EHBP1: variants seen among roughly 807,000 people sequenced by gnomAD.
EHBP1 encodes EH domain-binding protein 1.
EHBP1 carries 55 observed loss-of-function variants against 144.0 expected under a neutral mutation model. The ratio of observed to expected loss-of-function variants is 0.38; its 90% CI spans 0.31 to 0.48. EHBP1 has a LOEUF of 0.48. Ranked by LOEUF, EHBP1 falls within the 20% of genes least tolerant of loss-of-function variation. The pLI, the probability that EHBP1 is intolerant of heterozygous loss-of-function variation, is 0.98. For missense variants in EHBP1, 1,200 were observed against 1,364.2 expected (o/e 0.88, Z 1.90); for synonymous variants, 469 against 472.7 (o/e 0.99, Z 0.10).
intron 1 of EHBP1, chr2:62,674,221 C>T (rs2033204268): frequency 1.4e-5 from 6 of 439,844 alleles, no homozygotes; most frequent in South Asian, 1.0e-4. Flanking sequence ...TGTGTAAAAG[C>T]TACTTAATAA....
At position 62,942,251 on chromosome 2, in the gene EHBP1, T is replaced by A. The variant is rs2056799499; in HGVS notation, c.1186-467T>A. 3.3e-5 allele frequency among the ~76,000 whole-genome samples: 5 copies of A among 152,340 alleles called. No homozygotes were observed. The South Asian group carries it at 1.0e-3, about 32-fold the overall frequency. On this transcript the variant is annotated intron_variant, in intron 10 of 22. Coordinates refer to ENST00000431489, the MANE Select transcript of EHBP1 (RefSeq NM_001142616.3). The stretch of plus-strand genomic sequence containing the variant: ...TTACTTAAAATGCATATATGATTAC[T>A]GTATTTTTAAAACTAATGATAATTT...
At chr2:62,857,010 G>A (rs2049114807) in intron 7 of EHBP1, among the ~76,000 whole-genome samples, 3 of 152,154 alleles carry the variant, frequency 2.0e-5, no homozygotes, top group Non-Finnish European at 4.4e-5. Context: ...GAGGAAGGGG[G>A]TCACAAGTTA....
chr2:62,874,689 G>A (rs2050743879), intron 10 of EHBP1, among the ~76,000 whole-genome samples, 157 bp downstream of exon 10: 1 of 152,150 alleles, frequency 6.6e-6, no homozygotes, highest in Non-Finnish European at 1.5e-5. Flanking sequence ...ATTTATGTTT[G>A]TGAGCCCATA....
chr2:63,038,611 T>C (rs779225564), intron 20 of EHBP1, 132 bp from the exon 21 acceptor site: 52 of 687,792 alleles, frequency 7.6e-5, no homozygotes, highest in Non-Finnish European at 1.2e-4. Flanking sequence ...TTGTGTATCA[T>C]TCATTTGGAG....
At chr2:62,849,070 T>C (rs2048496637) in intron 7 of EHBP1, among the ~76,000 whole-genome samples, 1 of 152,170 alleles carries the variant, frequency 6.6e-6, no homozygotes, top group East Asian at 1.9e-4. Flanking sequence ...CATGCTCTTT[T>C]ATAATCTCCT....
intron 7 of EHBP1, 90 bp from the exon 8 acceptor site, chr2:62,859,079 G>C (rs773087463): frequency 3.2e-6 from 4 of 1,243,246 alleles, no homozygotes; most frequent in Non-Finnish European, 3.3e-6. Flanking sequence ...GGTATTATTC[G>C]TGTGAACTTT....
chr2:62,989,948 A>T (rs1285536438), intron 15 of EHBP1, among the ~76,000 whole-genome samples: 2 of 152,196 alleles, frequency 1.3e-5, no homozygotes, highest in Non-Finnish European at 2.9e-5. Context: ...GCATTTATTA[A>T]GAGTCTTATA....
At chr2:62,952,768 C>A (rs909219602) in intron 13 of EHBP1, among the ~76,000 whole-genome samples, 1 of 152,164 alleles carries the variant, frequency 6.6e-6, no homozygotes, top group Non-Finnish European at 1.5e-5. Context: ...CTTATAACAT[C>A]TTTATTTACC....
chr2:62,722,789 A>G (rs761793109), intron 2 of EHBP1, among the ~76,000 whole-genome samples: 13 of 152,206 alleles, frequency 8.5e-5, no homozygotes, highest in South Asian at 4.1e-4. Flanking sequence ...GGTTATTAAT[A>G]CTTTGCAGTA....
chr2:62,760,985 A>T (rs2040725493), intron 3 of EHBP1, among the ~76,000 whole-genome samples: 1 of 152,166 alleles, frequency 6.6e-6, no homozygotes. Flanking sequence ...TCTTTTTCTA[A>T]CATTTTTATT....
chr2:62,818,991 C>T (rs1268545875), intron 5 of EHBP1, among the ~76,000 whole-genome samples: 1 of 152,102 alleles, frequency 6.6e-6, no homozygotes, highest in African/African-American at 2.4e-5. Flanking sequence ...TTAAGTCTTT[C>T]AGAGAATGGG....
At chr2:62,782,400 TA>T (rs1174486501) in intron 5 of EHBP1, among the ~76,000 whole-genome samples, 1 of 152,238 alleles carries the variant, frequency 6.6e-6, no homozygotes, top group African/African-American at 2.4e-5. Context: ...TGACAGTTTC[TA>T]TCTTTCTGTA....
rs576008968 is a variant in EHBP1 at position 62,912,377 on chromosome 2, C to T, written c.1186-30341C>T. The stretch of plus-strand genomic sequence containing the variant: ...GACCAGCATGACCAACATGGTAAAA[C>T]CCCCTCTCTACTAAAAATACAAAAA... On this transcript the variant is annotated intron_variant, in intron 10 of 22. Coordinates refer to ENST00000431489, the MANE Select transcript of EHBP1 (RefSeq NM_001142616.3). Among the ~76,000 whole-genome samples the T allele has an allele frequency of 1.5e-4, 23 of 152,124 alleles. No individual in the cohort carries two copies. The South Asian group carries it at 4.2e-3, about 27-fold the overall frequency.
chr2:62,950,512 C>T (rs1574204752), intron 13 of EHBP1, among the ~76,000 whole-genome samples: 1 of 151,992 alleles, frequency 6.6e-6, no homozygotes, highest in African/African-American at 2.4e-5. Context: ...CTAATGAGTT[C>T]ATTGTGGCTA....
chr2:62,945,409 A>C (rs750307449), intron 12 of EHBP1, among the ~76,000 whole-genome samples: 8 of 152,238 alleles, frequency 5.3e-5, no homozygotes, highest in Non-Finnish European at 1.2e-4. Context: ...ACTTTAAATT[A>C]AATAATTAAA....
At chr2:62,845,073 A>G (rs1877026) in intron 7 of EHBP1, among the ~76,000 whole-genome samples, 130,869 of 152,034 alleles carry the variant, frequency 0.86, 57,113 homozygotes, top group African/African-American at 0.96. Flanking sequence ...TCCCCATGCA[A>G]CACAAGAGCA....
At chr2:62,786,525 G>A (rs543597361) in intron 5 of EHBP1, among the ~76,000 whole-genome samples, 2 of 152,226 alleles carry the variant, frequency 1.3e-5, no homozygotes, top group African/African-American at 4.8e-5. Context: ...AAGAAAATGT[G>A]GGATGAGAAA....
chr2:62,926,388 A>G (rs2055511748), intron 10 of EHBP1, among the ~76,000 whole-genome samples: 1 of 152,212 alleles, frequency 6.6e-6, no homozygotes, highest in Admixed American at 6.5e-5. Flanking sequence ...CAGCAGAGTG[A>G]AAAGACAACC....
chr2:62,696,222 G>A (rs1434567634), intron 1 of EHBP1, among the ~76,000 whole-genome samples: 1 of 145,714 alleles, frequency 6.9e-6, no homozygotes, highest in African/African-American at 2.5e-5. Context: ...CCAGGCTTGA[G>A]TACAGTGGCA....
Sources: allele counts gnomAD v4.1 joint callset (sites outside exome capture counted in the v4.1 genomes callset), GRCh38; gene constraint gnomAD v4.1.1; transcripts MANE v1.5; gene names NCBI Gene and HGNC (gene_info 2026-07-23, HGNC 2026-07-21).